Variants in RMDN2 observed in about 807,000 individuals in gnomAD.
The protein encoded by RMDN2 is regulator of microtubule dynamics protein 2.
Under a neutral mutation model 52.8 loss-of-function variants are expected in RMDN2, and 61 were observed. The ratio of observed to expected loss-of-function variants is 1.16; its 90% CI spans 0.94 to 1.43. The LOEUF (loss-of-function observed/expected upper bound fraction) is 1.43, where lower values mean the gene tolerates loss of function less well. RMDN2 is among the 40% of genes most tolerant of loss of function. RMDN2 has a pLI of 0.00. For synonymous variants in RMDN2, 180 were observed against 153.1 expected (o/e 1.18, Z -1.30); for missense variants, 592 against 475.3 (o/e 1.25, Z -2.28).
intron 4 of RMDN2, chr2:37,976,188 C>T (rs1282364939): frequency 1.3e-5 from 2 of 152,162 alleles, no homozygotes; most frequent in Non-Finnish European, 2.9e-5. Context: ...ATTATTCTGA[C>T]ATCTATACTT....
chr2:37,997,653 C>T (rs906936359), intron 8 of RMDN2, 139 bp downstream of exon 8: 2 of 625,278 alleles, frequency 3.2e-6, no homozygotes, highest in Admixed American at 5.8e-5. Context: ...GTTTTAAGCC[C>T]CTCATAATGC....
chr2:38,061,674 A>ACACAC (rs2125308797), intron 10 of RMDN2, among the ~76,000 whole-genome samples: 1 of 65,898 alleles, frequency 1.5e-5, no homozygotes, highest in South Asian at 5.4e-4. Context: ...TACCACTTAT[A>ACACAC]ATTAACTGAA....
At chr2:37,981,383 C>G (rs1242560835) in intron 5 of RMDN2, 40 bp downstream of exon 5, 1 of 1,292,196 alleles carries the variant, frequency 7.7e-7, no homozygotes, top group Non-Finnish European at 1.1e-6. Flanking sequence ...AAATTCTAAC[C>G]TGCCTCTTTA....
chr2:37,952,440 A>C, intron 2 of RMDN2: 1 of 496,056 alleles, frequency 2.0e-6, no homozygotes, highest in South Asian at 4.4e-5. Context: ...AGCTTTTTTC[A>C]GATTTACTGC....
At chr2:37,928,522 T>C (rs148979009) in intron 1 of RMDN2, among the ~76,000 whole-genome samples, 296 of 152,374 alleles carry the variant, frequency 1.9e-3, no homozygotes, top group African/African-American at 6.5e-3. Context: ...CCCAGCTATT[T>C]ACTTTGCTTC....
chr2:37,951,137 G>A (rs936323851), intron 2 of RMDN2: 22 of 1,171,740 alleles, frequency 1.9e-5, no homozygotes, highest in South Asian at 5.0e-5. Flanking sequence ...CCAATTGGTG[G>A]ACACCAAAAG....
At chr2:37,947,064 G>A (rs1572739935) in intron 2 of RMDN2, among the ~76,000 whole-genome samples, 1 of 151,768 alleles carries the variant, frequency 6.6e-6, no homozygotes, top group African/African-American at 2.4e-5. Context: ...TTTTAATTTT[G>A]ATTTTTGTAG....
chr2:37,926,800 G>A (rs540097345), intron 1 of RMDN2, among the ~76,000 whole-genome samples: 3 of 152,180 alleles, frequency 2.0e-5, no homozygotes, highest in Admixed American at 6.5e-5. Context: ...GCCGGGCGTG[G>A]TTGCCCACGC....
Position 38,017,344 on chromosome 2 carries a change from C to G in RMDN2, c.*105C>G, listed in dbSNP as rs1465087795. On this transcript the variant is annotated 3_prime_UTR_variant, in exon 11 of 11. Coordinates refer to ENST00000354545, the MANE Select transcript of RMDN2 (RefSeq NM_001170791.3). ...TCATTTTTGATGTAAGGGTATTGTG[C>G]TTAGATTTGAAGGTAAAGCCATGTT... The G allele has an allele frequency of 7.1e-7, 1 of 1,410,372 alleles. No homozygotes were observed. The allele number at this position is 1,410,372 out of a possible 1,614,324, so 87.4% of individuals were successfully genotyped here.
chr2:37,942,756 G>A lies in RMDN2; in HGVS notation c.452+13027G>A, dbSNP rs79675605. 3.4e-3 allele frequency among the ~76,000 whole-genome samples: 512 copies of A among 152,244 alleles called. 5 individuals carry two copies. The East Asian group carries it at 0.037, about 11-fold the overall frequency. ...AAAGAAAAGTCACATTAACATTTGA[G>A]GTCCCCTTATTCATTCAGTGTGAGT... is the stretch of plus-strand genomic sequence containing the variant. On this transcript the variant is annotated intron_variant, in intron 2 of 10. Coordinates refer to ENST00000354545, the MANE Select transcript of RMDN2 (RefSeq NM_001170791.3).
At chr2:37,962,851 G>A (rs1047523160) in intron 2 of RMDN2, among the ~76,000 whole-genome samples, 5 of 152,254 alleles carry the variant, frequency 3.3e-5, no homozygotes, top group East Asian at 1.9e-4. Context: ...AGGGAATCTC[G>A]CGGTCTGCGG....
chr2:37,990,951 A>G (rs1037808385), intron 6 of RMDN2, among the ~76,000 whole-genome samples: 39 of 152,222 alleles, frequency 2.6e-4, no homozygotes, highest in African/African-American at 8.4e-4. Flanking sequence ...AGGCAAACAT[A>G]TGACTTCGGT....
chr2:37,969,930 G>A (rs1671572403), intron 2 of RMDN2, among the ~76,000 whole-genome samples: 1 of 143,254 alleles, frequency 7.0e-6, no homozygotes, highest in African/African-American at 2.6e-5. Flanking sequence ...TCCCTTTCCT[G>A]TTTTCTTTCC....
intron 10 of RMDN2, among the ~76,000 whole-genome samples, chr2:38,050,515 C>A (rs1681527529): frequency 6.6e-6 from 1 of 152,086 alleles, no homozygotes; most frequent in African/African-American, 2.4e-5. Context: ...CCCGTAGGGA[C>A]TATGTGCTTG....
chr2:38,054,272 G>A (rs1053892941), intron 10 of RMDN2, among the ~76,000 whole-genome samples: 1 of 152,180 alleles, frequency 6.6e-6, no homozygotes, highest in African/African-American at 2.4e-5. Context: ...ATAAAGAGCT[G>A]CTGTACTGAT....
At chr2:38,059,799 T>C (rs538721364) in intron 10 of RMDN2, among the ~76,000 whole-genome samples, 3 of 152,308 alleles carry the variant, frequency 2.0e-5, no homozygotes, top group East Asian at 3.9e-4. Flanking sequence ...CCCTACACTC[T>C]GTTGCAAAGA....
At chr2:38,004,319 A>G (rs1676766561) in intron 10 of RMDN2, 103 bp downstream of exon 10, 5 of 735,602 alleles carry the variant, frequency 6.8e-6, no homozygotes, top group Non-Finnish European at 1.2e-5. Context: ...TCTCTATTCA[A>G]TTTTATGTAT....
At chr2:37,977,548 G>T (rs547292593) in intron 4 of RMDN2, among the ~76,000 whole-genome samples, 2 of 151,168 alleles carry the variant, frequency 1.3e-5, no homozygotes, top group South Asian at 4.2e-4. Flanking sequence ...AGGCGGAGGG[G>T]CTCCTCAGTT....
chr2:38,021,028 C>T (rs1210167178), downstream of RMDN2, among the ~76,000 whole-genome samples: 1 of 152,164 alleles, frequency 6.6e-6, no homozygotes, highest in East Asian at 1.9e-4. Context: ...TGTAAATACA[C>T]CAATCAGCAC....
Sources: gnomAD v4.1 joint callset for allele counts (sites outside exome capture counted in the v4.1 genomes callset) on GRCh38, gnomAD v4.1.1 for gene constraint, MANE v1.5 for transcripts, NCBI Gene and HGNC (gene_info 2026-07-23, HGNC 2026-07-21) for gene names.